Variants in IFT140 observed in about 807,000 individuals in gnomAD.
IFT140 encodes the protein intraflagellar transport protein 140 homolog.
A neutral mutation model predicts 164.6 loss-of-function variants in IFT140; 133 were observed. The observed-to-expected ratio is 0.81, with a 90% CI of 0.70 to 0.93. The LOEUF is 0.93. Ranked by LOEUF, IFT140 falls within the 40% of genes least tolerant of loss-of-function variation. The probability of loss-of-function intolerance (pLI) is 0.00; values close to 1 mark genes in which losing one functional copy is unlikely to be tolerated. For synonymous variants in IFT140, 860 were observed against 817.3 expected, an observed-to-expected ratio of 1.05 and a Z score of -0.89; for missense variants, 2,045 against 1,972.3, an observed-to-expected ratio of 1.04 and a Z score of -0.70.
At chr16:1,586,386 G>A (rs2141841968) in intron 9 of IFT140, 111 bp from the exon 10 acceptor site, 2 of 1,099,758 alleles carry the variant, frequency 1.8e-6, no homozygotes, top group East Asian at 2.5e-5. Context: ...CGCCCAGTCT[G>A]GTGCCTCTCC....
intron 19 of IFT140, among the ~76,000 whole-genome samples, chr16:1,535,455 A>G (rs7196649): frequency 0.089 from 13,483 of 152,240 alleles, 756 homozygotes; most frequent in African/African-American, 0.15. Context: ...AGACACCCCA[A>G]GTCTCTGCTG....
intron 19 of IFT140, among the ~76,000 whole-genome samples, chr16:1,546,957 G>A (rs1015537305): frequency 3.9e-5 from 6 of 152,180 alleles, no homozygotes; most frequent in South Asian, 2.1e-4. Context: ...TGAAGTCCCC[G>A]CCGTCCCCCA....
intron 21 of IFT140, 139 bp downstream of exon 21, chr16:1,525,748 C>T: frequency 1.1e-6 from 1 of 901,068 alleles, no homozygotes. Context: ...AAGCTTCCTG[C>T]CGAGAAGGCT....
chr16:1,515,689 G>C (rs929211893), intron 30 of IFT140, among the ~76,000 whole-genome samples: 1 of 152,198 alleles, frequency 6.6e-6, no homozygotes. Flanking sequence ...GAGCCACTGT[G>C]CCTGGCCTCA....
intron 19 of IFT140, among the ~76,000 whole-genome samples, chr16:1,539,234 A>C (rs542575165): frequency 0.025 from 3,177 of 126,906 alleles, 116 homozygotes; most frequent in African/African-American, 0.09. Flanking sequence ...AAGCCTCAGG[A>C]CTCACCAAGC....
intron 19 of IFT140, among the ~76,000 whole-genome samples, chr16:1,548,175 C>T (rs2032331011): frequency 1.3e-5 from 2 of 152,316 alleles, no homozygotes; most frequent in Non-Finnish European, 2.9e-5. Flanking sequence ...AAATGCCAGC[C>T]CCAGCAGGGA....
intron 26 of IFT140, among the ~76,000 whole-genome samples, chr16:1,522,017 G>A (rs2040542506): frequency 6.6e-6 from 1 of 151,488 alleles, no homozygotes; most frequent in Admixed American, 6.6e-5. Flanking sequence ...GAGGTCAGGA[G>A]TTCGAGACCA....
At position 1,592,299 on chromosome 16, in the gene IFT140, T is replaced by C. The variant is rs1394394407; in HGVS notation, c.511A>G (p.Lys171Glu). 2 of 1,614,152 alleles carry C rather than the reference T, an allele frequency of 1.2e-6. No individual in the cohort carries two copies. Among genetic ancestry groups the C allele is most frequent in the South Asian group, 2.2e-5 (2 of 91,078 alleles). Residue 171 changes from lysine to glutamate, a missense_variant, in exon 6 of 31, where the codon AAG becomes GAG. Physicochemically the swap from Lys to Glu is moderately conservative, Grantham distance 56 (BLOSUM62 1). Coordinates refer to ENST00000426508, the MANE Select transcript of IFT140 (RefSeq NM_014714.4). ...TTCTCATCACCGCTCACAGCTGCCT[T>C]TGCCAACTGAACCAGGTCCCTGAAA... ...PPGEDLVQLA[K>E]AAVSGDEKAL...
At chr16:1,589,546 G>A in intron 7 of IFT140, 59 bp downstream of exon 7, 1 of 1,562,676 alleles carries the variant, frequency 6.4e-7, no homozygotes, top group African/African-American at 1.3e-5. Context: ...CGTCAACGAG[G>A]CCAGAGAGAA....
rs1175913284 is a variant in IFT140, at chr16:1,592,064, G to A, written c.634+112C>T. The stretch of plus-strand genomic sequence containing the variant: ...CACACGTCATCTTTCTGTGCAGCCT[G>A]CTGCTATCACCGTTACTGTTCTATG... On this transcript the variant is annotated intron_variant, in intron 6 of 30. Transcript: ENST00000426508. The A allele has an allele frequency of 1.7e-5, 20 of 1,158,018 alleles. No homozygotes were observed. In the Admixed American group the frequency reaches 3.5e-4, roughly 20 times the overall value. The allele number at this position is 1,158,018 out of a possible 1,614,324, so 71.7% of individuals were successfully genotyped here. A position where few individuals can be genotyped will look rare whatever the true frequency, so the allele number is the denominator to read the frequency against.
At chr16:1,516,139 CAAAAAAAAAAAAAAAAAAAA>C (rs869165237) in intron 30 of IFT140, among the ~76,000 whole-genome samples, 39 of 46,020 alleles carry the variant, frequency 8.5e-4, no homozygotes, top group Admixed American at 2.6e-3. Context: ...AACTCTGTCT[CAAAAAAAAAAAAAAAAAAAA>C]AAAAAAAAAA....
intron 30 of IFT140, 85 bp from the exon 31 acceptor site, chr16:1,511,235 C>T (rs2040138197): frequency 1.5e-6 from 2 of 1,350,474 alleles, no homozygotes; most frequent in Admixed American, 2.0e-5. Flanking sequence ...GTGCTGCTGC[C>T]CCTGGAGGCG....
rs763768149 is a variant in IFT140, at chr16:1,607,317, A to C, written c.-31-20T>G. 5 of 1,561,154 alleles carry C rather than the reference A, an allele frequency of 3.2e-6. No individual in the cohort carries two copies. The South Asian group carries it at 4.7e-5, about 15-fold the overall frequency. Reference sequence around the variant, plus strand: ...TGAAACCTGCAGGGAAAAAAAAATGACCAAGTCCAATCAGTTTTAAATAAA... The same window carrying C: ...TGAAACCTGCAGGGAAAAAAAAATGCCCAAGTCCAATCAGTTTTAAATAAA... On this transcript the variant is annotated intron_variant, in intron 2 of 30. Transcript: ENST00000426508.
chr16:1,608,682 T>C (rs1005362915), intron 2 of IFT140, among the ~76,000 whole-genome samples: 2 of 139,476 alleles, frequency 1.4e-5, no homozygotes, highest in African/African-American at 5.3e-5. Context: ...ACACTCCAGA[T>C]CAAAACCTGG....
In IFT140 at chr16:1,586,248, CCT is replaced by C. The variant is rs1411025939; in HGVS notation, c.1035_1036del (p.Gly346AlafsTer137). ...TACTTTCCTCCACATGGCTACTCGC[CCT>C]CTGTCGGTACCAGCGGCCAGAAGAC... On this transcript the variant is annotated frameshift_variant, in exon 10 of 31. Coordinates refer to ENST00000426508, the MANE Select transcript of IFT140 (RefSeq NM_014714.4). LOFTEE classifies it high-confidence loss of function. 2.5e-6 allele frequency: 4 copies of C among 1,613,916 alleles called. No individual in the cohort carries two copies. Among genetic ancestry groups the C allele is most frequent in the East Asian group, 2.2e-5 (1 of 44,882 alleles).
chr16:1,516,476 A>G (rs1392544860), intron 30 of IFT140, among the ~76,000 whole-genome samples: 1 of 152,162 alleles, frequency 6.6e-6, no homozygotes, highest in Non-Finnish European at 1.5e-5. Flanking sequence ...ATTATAAAAA[A>G]TAGTCCACTA....
intron 19 of IFT140, among the ~76,000 whole-genome samples, chr16:1,543,017 C>G (rs1049025147): frequency 6.6e-6 from 1 of 152,264 alleles, no homozygotes; most frequent in Admixed American, 6.5e-5. Context: ...CCAGGGGGCT[C>G]TGCTGGTCTT....
intron 6 of IFT140, among the ~76,000 whole-genome samples, chr16:1,591,662 G>C (rs139493923): frequency 3.3e-5 from 5 of 152,062 alleles, no homozygotes; most frequent in Non-Finnish European, 7.4e-5. Context: ...TGTCCCCCTC[G>C]TACAGTGAGG....
In IFT140 at chr16:1,587,988, T is replaced by C; in HGVS notation, c.847A>G (p.Ile283Val). 1.2e-6 allele frequency: 2 copies of C among 1,613,922 alleles called. No individual in the cohort carries two copies. The highest frequency in any genetic ancestry group is 1.7e-6 in the Non-Finnish European group (2 of 1,179,910). ...LSGKTGRRADIALIEGSLLVM... is the reference protein window; with the variant it reads ...LSGKTGRRADVALIEGSLLVM... ...AGAAGGCTGCCTTCAATCAAAGCGA[T>C]GTCTGCCCGGCGGCCGGTTTTCCCG... The change falls in exon 8 of 31, where the codon ATC becomes GTC. Residue 283 changes from isoleucine to valine, a missense_variant. Transcript: ENST00000426508.
Sources: gnomAD v4.1 joint callset for allele counts (sites outside exome capture counted in the v4.1 genomes callset) on GRCh38, gnomAD v4.1.1 for gene constraint, MANE v1.5 for transcripts, NCBI Gene and HGNC (gene_info 2026-07-23, HGNC 2026-07-21) for gene names.